The following PRDM16 variants were observed in gnomAD, a reference collection of about 807,000 sequenced individuals.
PRDM16 encodes the protein histone-lysine N-methyltransferase PRDM16.
Under a neutral mutation model 110.6 loss-of-function variants are expected in PRDM16, and 23 were observed. That is an observed-to-expected ratio of 0.21 (90% CI 0.15 to 0.29). PRDM16 has a LOEUF of 0.29. PRDM16 is among the 10% of genes least tolerant of loss of function. The pLI is 1.00. For synonymous variants in PRDM16, 799 were observed against 781.8 expected (o/e 1.02, Z -0.37); for missense variants, 1,615 against 1,794.3 (o/e 0.90, Z 1.81).
Position 3,417,942 on chromosome 1 carries a change from C to T in PRDM16, c.2806C>T (p.Pro936Ser), listed in dbSNP as rs1388592309. The T allele has an allele frequency of 1.9e-6, 3 of 1,612,842 alleles. No homozygotes were observed. Among genetic ancestry groups the T allele is most frequent in the South Asian group, 1.1e-5 (1 of 91,056 alleles). The change falls in exon 11 of 17, where the codon CCC becomes TCC. Residue 936 changes from proline to serine, a missense_variant. By Grantham distance (74) the Pro-to-Ser change is moderately conservative (BLOSUM62 -1). Transcript: ENST00000270722. ...CCACCCCTTCAACTTCCGGTCCCCA[C>T]CCCCAACGCTCTCCGACCCCATCCT... ...PHHPFNFRSPPPTLSDPILRK... is the reference protein window; with the variant it reads ...PHHPFNFRSPSPTLSDPILRK...
chr1:3,360,134 T>C (rs146114229), intron 3 of PRDM16, among the ~76,000 whole-genome samples: 77 of 152,230 alleles, frequency 5.1e-4, no homozygotes, highest in Non-Finnish European at 9.4e-4. Flanking sequence ...GCTGTAATGC[T>C]GAACATATGT....
In PRDM16 at chr1:3,139,627, C is replaced by T. The variant is rs768670239; in HGVS notation, c.38-46498C>T. Among the ~76,000 whole-genome samples, 10 of 152,208 alleles carry T rather than the reference C, an allele frequency of 6.6e-5. No homozygotes were observed. In the East Asian group the frequency reaches 7.7e-4, roughly 12 times the overall value. On this transcript the variant is annotated intron_variant, in intron 1 of 16. Coordinates refer to ENST00000270722, the MANE Select transcript of PRDM16 (RefSeq NM_022114.4). ...CATTGTTACAATATCTGTGGGTTGC[C>T]GTGGTTCCTGTTCTCCGGGGCCCGG...
chr1:3,128,241 G>A (rs558799138), intron 1 of PRDM16, among the ~76,000 whole-genome samples: 2 of 152,286 alleles, frequency 1.3e-5, no homozygotes, highest in East Asian at 3.9e-4. Context: ...AAGACCTCAC[G>A]TTTGACGGGG....
chr1:3,258,685 GTC>G (rs1246377410), intron 3 of PRDM16, among the ~76,000 whole-genome samples: 2 of 152,250 alleles, frequency 1.3e-5, no homozygotes, highest in African/African-American at 2.4e-5. Flanking sequence ...CATAAAAAGA[GTC>G]TGGTCTGGTG....
chr1:3,084,398 G>A (rs1220698588), intron 1 of PRDM16, among the ~76,000 whole-genome samples: 4 of 152,318 alleles, frequency 2.6e-5, no homozygotes, highest in East Asian at 1.9e-4. Context: ...GAAAGCGCTC[G>A]GCGGCCGGAG....
chr1:3,380,763 C>T (rs529043022), intron 3 of PRDM16, among the ~76,000 whole-genome samples: 2 of 152,314 alleles, frequency 1.3e-5, no homozygotes, highest in Admixed American at 1.3e-4. Context: ...GCTTATTCTG[C>T]AAGGTGAGGG....
intron 1 of PRDM16, among the ~76,000 whole-genome samples, chr1:3,120,038 T>A (rs143702617): frequency 6.9e-6 from 1 of 145,712 alleles, no homozygotes; most frequent in Non-Finnish European, 1.6e-5. Flanking sequence ...CCGAGGCTGC[T>A]GGTGCCTCCT....
rs79189450 is a variant in PRDM16 at position 3,125,787 on chromosome 1, G to A, written c.37+56491G>A. Among the ~76,000 whole-genome samples, 1,421 of 152,306 alleles carry A rather than the reference G, an allele frequency of 9.3e-3. 31 individuals carry two copies. Among genetic ancestry groups the A allele is most frequent in the East Asian group, 0.083 (428 of 5,154 alleles). ...CCCACTACGCCTGGCCCCTCGGAGCGGAGCGCGGCACAGGCGAGGCGCGGC... is the reference window on the plus strand; with the variant it reads ...CCCACTACGCCTGGCCCCTCGGAGCAGAGCGCGGCACAGGCGAGGCGCGGC... On this transcript the variant is annotated intron_variant, in intron 1 of 16. Transcript: ENST00000270722.
At chr1:3,204,550 G>T (rs1638709583) in intron 2 of PRDM16, among the ~76,000 whole-genome samples, 1 of 152,184 alleles carries the variant, frequency 6.6e-6, no homozygotes, top group South Asian at 2.1e-4. Flanking sequence ...GGAGCCCGTG[G>T]CTCCGTTTCT....
intron 3 of PRDM16, among the ~76,000 whole-genome samples, chr1:3,259,591 C>A (rs1000852373): frequency 6.6e-6 from 1 of 152,234 alleles, no homozygotes; most frequent in Non-Finnish European, 1.5e-5. Flanking sequence ...CAGGCCCCCC[C>A]AAGAAAGCCC....
At chr1:3,287,264 G>C (rs967837368) in intron 3 of PRDM16, among the ~76,000 whole-genome samples, 14 of 150,606 alleles carry the variant, frequency 9.3e-5, no homozygotes, top group African/African-American at 3.5e-4. Context: ...ACCGGGGCTG[G>C]AGGCGCCCCG....
At chr1:3,277,735 ACACACG>A (rs1024678462) in intron 3 of PRDM16, among the ~76,000 whole-genome samples, 16 of 142,274 alleles carry the variant, frequency 1.1e-4, no homozygotes, top group South Asian at 1.1e-3. Flanking sequence ...ACACGCGCGC[ACACACG>A]CACACGCACA....
In PRDM16 at chr1:3,265,592, G is replaced by C. The variant is rs1321719510; in HGVS notation, c.438+21455G>C. 6.6e-6 allele frequency among the ~76,000 whole-genome samples: 1 copy of C among 152,024 alleles called. No individual in the cohort carries two copies. Among genetic ancestry groups the C allele is most frequent in the Non-Finnish European group, 1.5e-5 (1 of 68,004 alleles). ...AGGAGAAGGGGTCGTCCTGGTGGGA[G>C]AGGGAGAAGCAGACCGCAGAGGCCC... On this transcript the variant is annotated intron_variant, in intron 3 of 16. Coordinates refer to ENST00000270722, the MANE Select transcript of PRDM16 (RefSeq NM_022114.4). This position sits in a 1 kb window ranked among gnomAD's most constrained non-coding sequence, Gnocchi z 4.5.
rs1244116035 is a variant in PRDM16 at position 3,244,373 on chromosome 1, A to G, written c.438+236A>G. 3.3e-5 allele frequency among the ~76,000 whole-genome samples: 5 copies of G among 152,048 alleles called. No homozygotes were observed. Among genetic ancestry groups the G allele is most frequent in the Admixed American group, 3.3e-4 (5 of 15,280 alleles). ...GCCGTAGGGTCACAGGTACAGGGCCATCCGCCACTCTCCTAACTCCCGAGA... is the reference window on the plus strand; with the variant it reads ...GCCGTAGGGTCACAGGTACAGGGCCGTCCGCCACTCTCCTAACTCCCGAGA... On this transcript the variant is annotated intron_variant, in intron 3 of 16. Coordinates refer to ENST00000270722, the MANE Select transcript of PRDM16 (RefSeq NM_022114.4). The surrounding 1 kb of genome is among the most constrained non-coding windows in gnomAD (Gnocchi z 4.1).
intron 10 of PRDM16, among the ~76,000 whole-genome samples, chr1:3,415,030 A>T (rs1643756309): frequency 6.6e-6 from 1 of 152,216 alleles, no homozygotes. Flanking sequence ...TCTGGGGTGC[A>T]CAGGACCTGA....
In PRDM16 at chr1:3,376,475, G is replaced by A. The variant is rs572630985; in HGVS notation, c.439-8677G>A. ...CTCTTGGGGCTGTCTGAGACCCTGGGACCCTGGCCCTCATCTCTCCCCCAG... is the reference window on the plus strand; with the variant it reads ...CTCTTGGGGCTGTCTGAGACCCTGGAACCCTGGCCCTCATCTCTCCCCCAG... On this transcript the variant is annotated intron_variant, in intron 3 of 16. Coordinates refer to ENST00000270722, the MANE Select transcript of PRDM16 (RefSeq NM_022114.4). 1.5e-4 allele frequency among the ~76,000 whole-genome samples: 23 copies of A among 152,186 alleles called. 1 individual carries two copies. In the South Asian group the frequency reaches 4.8e-3, roughly 32 times the overall value.
chr1:3,087,236 C>T, intron 1 of PRDM16, among the ~76,000 whole-genome samples: 1 of 147,814 alleles, frequency 6.8e-6, no homozygotes, highest in East Asian at 2.0e-4. Context: ...CCGAGACCAG[C>T]CCCACCGGAG....
rs544548563 is a variant in PRDM16 at position 3,190,260 on chromosome 1, C to T, written c.387+3786C>T. ...TCGTGGGGCAGCCTTACTTCAAGGTCGTGGGGCAGCCTTACTTCAAGGTCG... is the reference window on the plus strand; with the variant it reads ...TCGTGGGGCAGCCTTACTTCAAGGTTGTGGGGCAGCCTTACTTCAAGGTCG... On this transcript the variant is annotated intron_variant, in intron 2 of 16. Coordinates refer to ENST00000270722, the MANE Select transcript of PRDM16 (RefSeq NM_022114.4). This position sits in a 1 kb window ranked among gnomAD's most constrained non-coding sequence, Gnocchi z 5.0. Among the ~76,000 whole-genome samples the T allele has an allele frequency of 1.3e-5, 2 of 149,948 alleles. No individual in the cohort carries two copies. The highest frequency in any genetic ancestry group is 6.6e-5 in the Admixed American group (1 of 15,160).
At chr1:3,269,815 TGACA>T (rs1640393020) in intron 3 of PRDM16, among the ~76,000 whole-genome samples, 22 of 86,136 alleles carry the variant, frequency 2.6e-4, no homozygotes, top group African/African-American at 8.3e-4. Flanking sequence ...TCCCAGAGAA[TGACA>T]GGGAGGAGGA....
Sources: gnomAD v4.1 joint callset for allele counts (sites outside exome capture counted in the v4.1 genomes callset) on GRCh38, gnomAD v4.1.1 for gene constraint, Gnocchi (gnomAD v3.1) non-coding constraint, MANE v1.5 for transcripts, NCBI Gene and HGNC (gene_info 2026-07-23, HGNC 2026-07-21) for gene names.